Variants in GULP1 observed in about 807,000 individuals in gnomAD.
The protein encoded by GULP1 is PTB domain-containing engulfment adapter protein 1.
In GULP1, 19 loss-of-function variants were observed where a neutral mutation model predicts 40.9. The observed-to-expected ratio is 0.46, with a 90% CI of 0.32 to 0.68. The LOEUF (loss-of-function observed/expected upper bound fraction) is 0.68, where lower values mean the gene tolerates loss of function less well. GULP1 is among the 30% of genes least tolerant of loss of function. The pLI, the probability that GULP1 is intolerant of heterozygous loss-of-function variation, is 0.03. For missense variants in GULP1, 312 were observed against 362.2 expected (o/e 0.86, Z 1.12); for synonymous variants, 119 against 117.6 (o/e 1.01, Z -0.08).
chr2:188,541,255 T>G lies in GULP1; in HGVS notation c.336T>G (p.Thr112=), dbSNP rs1255947042. The change falls in exon 7 of 12, where the codon ACT becomes ACG. Residue 112 remains threonine, a synonymous_variant. Coordinates refer to ENST00000409830, the MANE Select transcript of GULP1 (RefSeq NM_016315.4). ...ATAAAACTGACAAGAGGATATTCAC[T>G]TTCATATGCAAAGATTCTGAGTCAA... ...ADDKTDKRIF[T]FICKDSESNK... is the part of the protein sequence containing the mutation. 2.5e-6 allele frequency: 4 copies of G among 1,611,616 alleles called. No homozygotes were observed. Among genetic ancestry groups the G allele is most frequent in the Admixed American group, 3.3e-5 (2 of 59,998 alleles).
rs144174571 is a variant in GULP1 at position 188,481,422 on chromosome 2, A to G, written c.29-2009A>G. Reference sequence around the variant, plus strand: ...TTCAGGTTTTATAAATGTACTGCTCATACCTGAGGATATGTAATAAACAAA... The same window carrying G: ...TTCAGGTTTTATAAATGTACTGCTCGTACCTGAGGATATGTAATAAACAAA... On this transcript the variant is annotated intron_variant, in intron 3 of 11. Transcript: ENST00000409830. Among the ~76,000 whole-genome samples, 6 of 152,116 alleles carry G rather than the reference A, an allele frequency of 3.9e-5. No individual in the cohort carries two copies. The East Asian group carries it at 1.2e-3, about 29-fold the overall frequency.
chr2:188,430,341 C>G (rs2056719568), intron 2 of GULP1, among the ~76,000 whole-genome samples: 1 of 152,128 alleles, frequency 6.6e-6, no homozygotes, highest in Non-Finnish European at 1.5e-5. Flanking sequence ...ATCTTTGTTT[C>G]TTAAGCTAGT....
intron 1 of GULP1, among the ~76,000 whole-genome samples, chr2:188,322,447 A>G (rs1289060897): frequency 6.6e-6 from 1 of 152,062 alleles, no homozygotes; most frequent in East Asian, 1.9e-4. Context: ...GTTAAAGCTG[A>G]TTTCAGCTTA....
intron 2 of GULP1, chr2:188,466,444 A>ATTTTTTTTT (rs60944877): frequency 8.5e-6 from 1 of 118,200 alleles, no homozygotes; most frequent in African/African-American, 3.2e-5. Context: ...TGCCCAGCTA[A>ATTTTTTTTT]TTTTTTTTTT....
intron 9 of GULP1, among the ~76,000 whole-genome samples, chr2:188,583,601 C>A (rs925330143): frequency 2.2e-4 from 34 of 152,096 alleles, no homozygotes; most frequent in African/African-American, 8.0e-4. Flanking sequence ...CAGTCCTGGC[C>A]CAGACTGTAT....
chr2:188,422,206 C>A (rs1168065203), intron 2 of GULP1, among the ~76,000 whole-genome samples: 1 of 149,008 alleles, frequency 6.7e-6, no homozygotes, highest in African/African-American at 2.5e-5. Flanking sequence ...GCTCAAAATT[C>A]TCCTAATTTT....
At chr2:188,591,193 C>T (rs1197773333) in intron 11 of GULP1, 2 of 152,022 alleles carry the variant, frequency 1.3e-5, no homozygotes, top group Non-Finnish European at 2.9e-5. Flanking sequence ...CATGTTCTGT[C>T]TAATCAAAGT....
At chr2:188,332,910 G>A (rs2041801652) in intron 1 of GULP1, among the ~76,000 whole-genome samples, 1 of 152,114 alleles carries the variant, frequency 6.6e-6, no homozygotes, top group Admixed American at 6.6e-5. Context: ...TAAAGAGCTT[G>A]GATAAGTAGC....
intron 2 of GULP1, among the ~76,000 whole-genome samples, chr2:188,470,180 A>C (rs1380150091): frequency 1.3e-5 from 2 of 152,122 alleles, no homozygotes; most frequent in Non-Finnish European, 2.9e-5. Context: ...TGAAGCCATC[A>C]GGTCCCAGGG....
intron 2 of GULP1, among the ~76,000 whole-genome samples, chr2:188,448,046 A>G (rs1270079396): frequency 6.6e-6 from 1 of 152,220 alleles, no homozygotes; most frequent in Non-Finnish European, 1.5e-5. Flanking sequence ...ATCAGAACCC[A>G]TAGTCTGTGC....
chr2:188,357,664 G>A (rs2045526502), intron 1 of GULP1, among the ~76,000 whole-genome samples: 1 of 152,056 alleles, frequency 6.6e-6, no homozygotes, highest in South Asian at 2.1e-4. Flanking sequence ...ACTGAAAATA[G>A]AATTGCCGTA....
intron 6 of GULP1, among the ~76,000 whole-genome samples, chr2:188,538,709 G>A (rs1313320192): frequency 6.6e-6 from 1 of 151,710 alleles, no homozygotes; most frequent in Non-Finnish European, 1.5e-5. Flanking sequence ...GTGTGTGTGT[G>A]TGTGTGTGTG....
rs190345456 is a variant in GULP1, at chr2:188,496,498, G to T, written c.90+13006G>T. On this transcript the variant is annotated intron_variant, in intron 4 of 11. Transcript: ENST00000409830. The stretch of plus-strand genomic sequence containing the variant: ...AAAATATTCTTCAGAAACTTCTGGG[G>T]AAAAAATGAGCAAGATTAAATATGC... Among the ~76,000 whole-genome samples, 686 of 151,990 alleles carry T rather than the reference G, an allele frequency of 4.5e-3. 8 individuals carry two copies. The highest frequency in any genetic ancestry group is 0.016 in the African/African-American group (660 of 41,494).
chr2:188,535,071 A>G (rs1454481246), intron 6 of GULP1, among the ~76,000 whole-genome samples: 1 of 151,082 alleles, frequency 6.6e-6, no homozygotes, highest in Non-Finnish European at 1.5e-5. Context: ...GGTAATATTT[A>G]ATTATTTAAT....
At chr2:188,380,860 A>G (rs1444641007) in intron 1 of GULP1, among the ~76,000 whole-genome samples, 3 of 152,184 alleles carry the variant, frequency 2.0e-5, no homozygotes, top group Non-Finnish European at 4.4e-5. Context: ...TACATTAACA[A>G]ATTGAAGCAT....
chr2:188,582,812 G>A (rs544024693), intron 9 of GULP1, among the ~76,000 whole-genome samples: 1 of 152,266 alleles, frequency 6.6e-6, no homozygotes, highest in East Asian at 1.9e-4. Flanking sequence ...AGATGTTGCA[G>A]TTGGGAAATT....
At chr2:188,544,877 T>G (rs1691494091) in intron 7 of GULP1, among the ~76,000 whole-genome samples, 1 of 152,004 alleles carries the variant, frequency 6.6e-6, no homozygotes, top group Non-Finnish European at 1.5e-5. Flanking sequence ...CCTATAGATC[T>G]AAAATACTGA....
intron 4 of GULP1, among the ~76,000 whole-genome samples, chr2:188,518,893 C>T (rs2065451638): frequency 6.6e-6 from 1 of 152,118 alleles, no homozygotes; most frequent in African/African-American, 2.4e-5. Flanking sequence ...TCAGACAAGG[C>T]AGAAATTAGG....
intron 4 of GULP1, among the ~76,000 whole-genome samples, chr2:188,496,436 GA>G (rs2062902756): frequency 6.6e-6 from 1 of 152,030 alleles, no homozygotes; most frequent in African/African-American, 2.4e-5. Flanking sequence ...GCTTTACCAG[GA>G]AATAACCTAT....
Sources: allele counts gnomAD v4.1 joint callset (sites outside exome capture counted in the v4.1 genomes callset), GRCh38; gene constraint gnomAD v4.1.1; transcripts MANE v1.5; gene names NCBI Gene and HGNC (gene_info 2026-07-23, HGNC 2026-07-21).